Variants in RANBP2 observed in about 807,000 individuals in gnomAD.
The protein encoded by RANBP2 is E3 SUMO-protein ligase RanBP2.
RANBP2 carries 57 observed loss-of-function variants against 303.6 expected under a neutral mutation model. The observed-to-expected ratio is 0.19, with a 90% CI of 0.15 to 0.23. The LOEUF (loss-of-function observed/expected upper bound fraction) is 0.23. RANBP2 is among the 10% of genes least tolerant of loss of function. The pLI is 1.00. For missense variants in RANBP2, 3,138 were observed against 3,780.8 expected, an observed-to-expected ratio of 0.83 and a Z score of 4.46; for synonymous variants, 1,167 against 1,301.5, an observed-to-expected ratio of 0.90 and a Z score of 2.23.
chr2:109,036,966 A>G, the RANBP2 span, among the ~76,000 whole-genome samples: 2 of 152,104 alleles, frequency 1.3e-5, no homozygotes, highest in Non-Finnish European at 2.9e-5. Flanking sequence ...CAACATGGTG[A>G]GACCTCGTCT....
the RANBP2 span, among the ~76,000 whole-genome samples, chr2:109,115,124 A>T: frequency 1.1e-3 from 174 of 152,042 alleles, no homozygotes; most frequent in African/African-American, 3.9e-3. Context: ...TTTGGGGTGG[A>T]GACTGTAGAT....
the RANBP2 span, chr2:108,908,010 A>G: frequency 6.9e-3 from 11,049 of 1,608,416 alleles, 87 homozygotes; most frequent in East Asian, 0.03. Flanking sequence ...CGGATGAGGC[A>G]TCGTTCTCGC....
chr2:109,318,149 A>G, the RANBP2 span, among the ~76,000 whole-genome samples: 1 of 151,712 alleles, frequency 6.6e-6, no homozygotes, highest in Non-Finnish European at 1.5e-5. Flanking sequence ...AGGGACATTG[A>G]GAGACTAGAA....
the RANBP2 span, among the ~76,000 whole-genome samples, chr2:108,916,695 G>A: frequency 2.0e-5 from 3 of 152,176 alleles, no homozygotes; most frequent in South Asian, 4.1e-4. Flanking sequence ...CTGAGCACGT[G>A]TGCGCAGCCG....
the RANBP2 span, among the ~76,000 whole-genome samples, chr2:109,624,582 G>A: frequency 0.26 from 39,739 of 152,030 alleles, 5,438 homozygotes; most frequent in Admixed American, 0.36. Flanking sequence ...TGGTCTGATC[G>A]TACCAAGTGC....
chr2:109,340,580 C>T, the RANBP2 span, among the ~76,000 whole-genome samples: 67,278 of 152,092 alleles, frequency 0.44, 15,507 homozygotes, highest in East Asian at 0.61. Flanking sequence ...CTGACCACTT[C>T]CTACACTTAG....
chr2:109,437,662 G>T, the RANBP2 span, among the ~76,000 whole-genome samples: 1 of 151,798 alleles, frequency 6.6e-6, no homozygotes, highest in East Asian at 2.0e-4. Flanking sequence ...TTTCTGAAGT[G>T]CTCTGAGGCA....
chr2:108,809,690 A>G, the RANBP2 span, among the ~76,000 whole-genome samples: 1 of 152,090 alleles, frequency 6.6e-6, no homozygotes, highest in Non-Finnish European at 1.5e-5. Context: ...GTGTCCTTCA[A>G]CTTTACCAAA....
At chr2:109,419,665 C>T in the RANBP2 span, 11 of 1,551,916 alleles carry the variant, frequency 7.1e-6, no homozygotes, top group Admixed American at 1.2e-4. Flanking sequence ...TTGTGTCTGT[C>T]GGGGTCCTGT....
At chr2:109,232,225 C>T in the RANBP2 span, among the ~76,000 whole-genome samples, 2 of 152,328 alleles carry the variant, frequency 1.3e-5, no homozygotes, top group East Asian at 3.9e-4. Flanking sequence ...GCATCACTAC[C>T]ACCCAACAAC....
the RANBP2 span, among the ~76,000 whole-genome samples, chr2:109,220,588 C>A: frequency 5.9e-5 from 9 of 152,184 alleles, no homozygotes; most frequent in South Asian, 4.1e-4. Context: ...ATTTAAAAAA[C>A]CCAATTCAAA....
At chr2:109,564,850 T>C in the RANBP2 span, among the ~76,000 whole-genome samples, 2 of 152,238 alleles carry the variant, frequency 1.3e-5, no homozygotes, top group African/African-American at 2.4e-5. Context: ...CACTAATATT[T>C]TGTTAGCAGT....
chr2:109,384,932 G>T, the RANBP2 span, among the ~76,000 whole-genome samples: 11 of 152,190 alleles, frequency 7.2e-5, no homozygotes, highest in Admixed American at 2.0e-4. Flanking sequence ...CTTCACTATT[G>T]CTTAAAGCCA....
At chr2:108,812,954 A>T in the RANBP2 span, 3 of 1,607,698 alleles carry the variant, frequency 1.9e-6, no homozygotes, top group Non-Finnish European at 2.6e-6. Flanking sequence ...ATTTGATATG[A>T]TTGAAAATTT....
the RANBP2 span, among the ~76,000 whole-genome samples, chr2:109,483,922 A>G: frequency 6.6e-6 from 1 of 152,004 alleles, no homozygotes. Flanking sequence ...TGCTGACTGC[A>G]TGGCCTTCAA....
chr2:108,916,320 C>T, the RANBP2 span, among the ~76,000 whole-genome samples: 2 of 152,236 alleles, frequency 1.3e-5, no homozygotes, highest in African/African-American at 2.4e-5. Flanking sequence ...TGTCGGGGCT[C>T]GCAGGCTGCT....
the RANBP2 span, among the ~76,000 whole-genome samples, chr2:109,526,824 CT>C: frequency 2.0e-5 from 3 of 152,152 alleles, no homozygotes; most frequent in Non-Finnish European, 4.4e-5. Context: ...ATTCAACCCT[CT>C]GGTGGGCTGC....
the RANBP2 span, among the ~76,000 whole-genome samples, chr2:108,977,337 C>T: frequency 6.6e-6 from 1 of 152,186 alleles, no homozygotes; most frequent in Non-Finnish European, 1.5e-5. Context: ...GGCGCGATCT[C>T]GGCTCACTGC....
chr2:108,868,279 A>C, the RANBP2 span, among the ~76,000 whole-genome samples: 4 of 152,198 alleles, frequency 2.6e-5, no homozygotes, highest in African/African-American at 9.7e-5. Flanking sequence ...CAGGGAGTCC[A>C]TGGTGCCCCT....
Sources: allele counts gnomAD v4.1 joint callset (sites outside exome capture counted in the v4.1 genomes callset), GRCh38; gene constraint gnomAD v4.1.1; transcripts MANE v1.5; gene names NCBI Gene and HGNC (gene_info 2026-07-23, HGNC 2026-07-21).